The following ULK4 variants were observed in gnomAD, a reference collection of about 807,000 sequenced individuals.
ULK4 encodes the protein inactive serine/threonine-protein kinase ULK4.
Under a neutral mutation model 160.6 loss-of-function variants are expected in ULK4, and 133 were observed. The observed-to-expected ratio is 0.83, with a 90% CI of 0.72 to 0.96. The LOEUF (loss-of-function observed/expected upper bound fraction) is 0.96, where lower values mean the gene tolerates loss of function less well. ULK4 is among the 40% of genes least tolerant of loss of function. ULK4 has a pLI of 0.00. For synonymous variants in ULK4, 534 were observed against 539.8 expected (o/e 0.99, Z 0.15); for missense variants, 1,580 against 1,499.5 (o/e 1.05, Z -0.89).
chr3:41,844,222 G>A (rs1318058738), intron 17 of ULK4, among the ~76,000 whole-genome samples: 2 of 152,136 alleles, frequency 1.3e-5, no homozygotes, highest in Non-Finnish European at 2.9e-5. Flanking sequence ...AGCAGGGGGC[G>A]GCGCTCGCTG....
chr3:41,458,575 T>C (rs2083608457), intron 33 of ULK4, among the ~76,000 whole-genome samples: 2 of 151,900 alleles, frequency 1.3e-5, no homozygotes, highest in Admixed American at 1.3e-4. Context: ...TAAAGTGAGA[T>C]AACAGAATAC....
chr3:41,593,536 G>A (rs1267563984), intron 31 of ULK4, among the ~76,000 whole-genome samples: 1 of 152,128 alleles, frequency 6.6e-6, no homozygotes, highest in Non-Finnish European at 1.5e-5. Flanking sequence ...ACAAAGAGAT[G>A]ACCGGTCTAT....
intron 21 of ULK4, among the ~76,000 whole-genome samples, chr3:41,773,651 G>C (rs532292084): frequency 6.6e-6 from 1 of 151,706 alleles, no homozygotes; most frequent in East Asian, 1.9e-4. Flanking sequence ...ACTGCCCAAG[G>C]TAATTTATAA....
intron 32 of ULK4, among the ~76,000 whole-genome samples, chr3:41,503,383 G>C (rs1296382153): frequency 6.6e-6 from 1 of 152,188 alleles, no homozygotes; most frequent in Non-Finnish European, 1.5e-5. Flanking sequence ...ATGGCTACAA[G>C]GAGTGCAAAG....
chr3:41,758,141 G>A (rs762561334), intron 21 of ULK4, among the ~76,000 whole-genome samples: 13 of 152,082 alleles, frequency 8.5e-5, no homozygotes, highest in Non-Finnish European at 1.8e-4. Flanking sequence ...ACACAAAGAC[G>A]AAACTATGTA....
intron 22 of ULK4, among the ~76,000 whole-genome samples, chr3:41,734,419 T>C (rs2037949793): frequency 6.6e-6 from 1 of 152,176 alleles, no homozygotes; most frequent in African/African-American, 2.4e-5. Context: ...ATTTGATTTG[T>C]ATACGTTAAA....
chr3:41,616,497 C>G (rs1452557448), intron 30 of ULK4, among the ~76,000 whole-genome samples: 1 of 152,154 alleles, frequency 6.6e-6, no homozygotes, highest in Non-Finnish European at 1.5e-5. Flanking sequence ...AGAGGGATAG[C>G]AGAAGCAGGG....
chr3:41,776,031 C>T (rs190901966), intron 21 of ULK4, among the ~76,000 whole-genome samples: 1 of 150,876 alleles, frequency 6.6e-6, no homozygotes, highest in African/African-American at 2.5e-5. Flanking sequence ...CAGGTATGTG[C>T]ATCTTCAACT....
At chr3:41,317,027 A>G (rs1355157059) in intron 35 of ULK4, among the ~76,000 whole-genome samples, 1 of 148,232 alleles carries the variant, frequency 6.7e-6, no homozygotes, top group African/African-American at 2.5e-5. Context: ...CTATTTAATG[A>G]TTGGAAATTT....
At chr3:41,533,950 G>A (rs1480148042) in intron 32 of ULK4, among the ~76,000 whole-genome samples, 3 of 152,120 alleles carry the variant, frequency 2.0e-5, no homozygotes, top group African/African-American at 7.2e-5. Context: ...TGGGATTACA[G>A]GCGCCCGCCA....
chr3:41,866,987 C>A (rs1266376902), intron 17 of ULK4, among the ~76,000 whole-genome samples: 1 of 152,098 alleles, frequency 6.6e-6, no homozygotes, highest in East Asian at 1.9e-4. Context: ...TCTTTACTTT[C>A]TTTTGATCAA....
chr3:41,808,536 C>A (rs900150289), intron 19 of ULK4, among the ~76,000 whole-genome samples: 24 of 152,206 alleles, frequency 1.6e-4, no homozygotes, highest in Admixed American at 3.3e-4. Context: ...TTAACTCACT[C>A]TTTGGGAAAG....
chr3:41,446,887 G>GAAATAAAAATAAAATA (rs1409669204), intron 34 of ULK4, among the ~76,000 whole-genome samples: 1 of 150,070 alleles, frequency 6.7e-6, no homozygotes, highest in South Asian at 2.1e-4. Context: ...TAAAAGAATA[G>GAAATAAAAATAAAATA]AAATAAAAAT....
chr3:41,802,439 G>T (rs1184207626), intron 19 of ULK4, among the ~76,000 whole-genome samples: 1 of 152,028 alleles, frequency 6.6e-6, no homozygotes, highest in African/African-American at 2.4e-5. Flanking sequence ...TGGGACAAGA[G>T]GCATGTGCCA....
chr3:41,820,799 A>G (rs369263854), intron 18 of ULK4, among the ~76,000 whole-genome samples: 1 of 152,166 alleles, frequency 6.6e-6, no homozygotes, highest in South Asian at 2.1e-4. Flanking sequence ...ATTTTAAAAA[A>G]AGAATTAGTA....
At chr3:41,333,652 T>C (rs1336567213) in intron 35 of ULK4, among the ~76,000 whole-genome samples, 2 of 152,186 alleles carry the variant, frequency 1.3e-5, no homozygotes, top group Non-Finnish European at 2.9e-5. Context: ...TATTCTTTTG[T>C]GATCTAGGCA....
At chr3:41,626,401 T>C (rs2033507943) in intron 30 of ULK4, among the ~76,000 whole-genome samples, 2 of 152,158 alleles carry the variant, frequency 1.3e-5, no homozygotes, top group Admixed American at 6.5e-5. Flanking sequence ...TTGAGATTCA[T>C]CTATGGAAGC....
At chr3:41,583,172 G>T (rs1332996823) in intron 31 of ULK4, among the ~76,000 whole-genome samples, 1 of 152,144 alleles carries the variant, frequency 6.6e-6, no homozygotes, top group Non-Finnish European at 1.5e-5. Context: ...CTGCGGTGTG[G>T]CAGGAAGCCT....
At chr3:41,867,279 G>A (rs1057342538) in intron 17 of ULK4, among the ~76,000 whole-genome samples, 1 of 152,178 alleles carries the variant, frequency 6.6e-6, no homozygotes, top group Non-Finnish European at 1.5e-5. Flanking sequence ...TAAACCAGCA[G>A]CATCAAAAGC....
Sources: gnomAD v4.1 joint callset for allele counts (sites outside exome capture counted in the v4.1 genomes callset) on GRCh38, gnomAD v4.1.1 for gene constraint, MANE v1.5 for transcripts, NCBI Gene and HGNC (gene_info 2026-07-23, HGNC 2026-07-21) for gene names.